Variants in PLD2 observed in about 807,000 individuals in gnomAD.
PLD2 encodes phospholipase D2, also known as choline phosphatase 2.
A neutral mutation model predicts 119.8 loss-of-function variants in PLD2; 101 were observed. The observed-to-expected ratio is 0.84, with a 90% CI of 0.72 to 0.99. PLD2 has a LOEUF of 0.99. Among genes scored for constraint, PLD2 ranks in the 50% least tolerant of loss-of-function variants. PLD2 has a pLI of 0.00. For synonymous variants in PLD2, 494 were observed against 482.8 expected, an observed-to-expected ratio of 1.02 and a Z score of -0.30; for missense variants, 1,164 against 1,226.8, an observed-to-expected ratio of 0.95 and a Z score of 0.76.
chr17:4,821,971 G>A (rs1907722045), intron 24 of PLD2, 64 bp downstream of exon 24: 2 of 1,023,900 alleles, frequency 2.0e-6, no homozygotes, highest in Non-Finnish European at 3.1e-6. Context: ...CCTGCTCAGG[G>A]TAGGATGGAG....
chr17:4,809,977 G>A lies in PLD2; in HGVS notation c.808G>A (p.Gly270Arg), dbSNP rs377745964. 42 of 1,613,964 alleles carry A rather than the reference G, an allele frequency of 2.6e-5. No homozygotes were observed. The highest frequency in any genetic ancestry group is 3.6e-5 in the Non-Finnish European group (42 of 1,180,036). ...TGACCCTGGCTTTGAGGTGCAAGTG[G>A]GGAAAAGGAGCACGGAGGCACGGCA... ...LFDPGFEVQV[G>R]KRSTEARHGV... The change falls in exon 9 of 25, where the codon GGG becomes AGG. Residue 270 changes from glycine to arginine, a missense_variant. Coordinates refer to ENST00000263088, the MANE Select transcript of PLD2 (RefSeq NM_002663.5).
chr17:4,817,725 G>A (rs144052703), intron 17 of PLD2, among the ~76,000 whole-genome samples: 1,476 of 145,300 alleles, frequency 0.01, 15 homozygotes, highest in Middle Eastern at 0.029. Context: ...TTGGGAGGCC[G>A]AGGCAGGCGG....
In PLD2 at chr17:4,817,140, C is replaced by T. The variant is rs141994397; in HGVS notation, c.1702-6C>T. 5.2e-4 allele frequency: 829 copies of T among 1,608,444 alleles called. 5 individuals carry two copies. In the African/African-American group the frequency reaches 8.6e-3, roughly 17 times the overall value. ...TCCTGCTGACTCTGCCATCCCTCCA[C>T]GTCAGACCACCAAGGCCAAGTACAA... On this transcript the variant is annotated splice_region_variant and splice_polypyrimidine_tract_variant and intron_variant, in intron 16 of 24. Coordinates refer to ENST00000263088, the MANE Select transcript of PLD2 (RefSeq NM_002663.5).
rs754622334 is a variant in PLD2 at position 4,814,621 on chromosome 17, C to T, written c.1095-12C>T. Reference sequence around the variant, plus strand: ...GCTTCGTTTGCCCCTAATCCACTGCCCTGAATCCCAGGTTGAGTCCTGAGG... The same window carrying T: ...GCTTCGTTTGCCCCTAATCCACTGCTCTGAATCCCAGGTTGAGTCCTGAGG... On this transcript the variant is annotated splice_polypyrimidine_tract_variant and intron_variant, in intron 11 of 24. Transcript: ENST00000263088. The T allele has an allele frequency of 1.2e-6, 2 of 1,614,006 alleles. No homozygotes were observed. Among genetic ancestry groups the T allele is most frequent in the Admixed American group, 1.7e-5 (1 of 59,990 alleles).
In PLD2 at chr17:4,819,612, G is replaced by A. The variant is rs1369203215; in HGVS notation, c.2462+30G>A. 1 of 1,581,796 alleles carries A rather than the reference G, an allele frequency of 6.3e-7. No homozygotes were observed. The highest frequency in any genetic ancestry group is 1.2e-5 in the South Asian group (1 of 85,668). ...AGCTGGGGCGGGATGCCACAGGGTG[G>A]GAGGGAGATGGGGGCGTCTGCCTTT... is the stretch of plus-strand genomic sequence containing the variant. On this transcript the variant is annotated intron_variant, in intron 23 of 24. Transcript: ENST00000263088. The surrounding 1 kb of genome is among the most constrained non-coding windows in gnomAD (Gnocchi z 4.2).
chr17:4,817,181 C>T lies in PLD2; in HGVS notation c.1737C>T (p.Pro579=), dbSNP rs777657262. ...TKAKYKTPTY[P]YLLPKSTSTA... is the part of the protein sequence containing the mutation. ...CCAAGTACAAGACTCCCACATACCC[C>T]TACCTGCTTCCCAAGTCTACCAGCA... Residue 579 remains proline, a synonymous_variant, in exon 17 of 25, where the codon CCC becomes CCT. Transcript: ENST00000263088. The T allele has an allele frequency of 6.2e-7, 1 of 1,613,994 alleles. No homozygotes were observed. The highest frequency in any genetic ancestry group is 1.7e-5 in the Admixed American group (1 of 60,024).
rs559634052 is a variant in PLD2 at position 4,808,985 on chromosome 17, C to A, written c.384-115C>A. On this transcript the variant is annotated intron_variant, in intron 4 of 24. Coordinates refer to ENST00000263088, the MANE Select transcript of PLD2 (RefSeq NM_002663.5). This position sits in a 1 kb window ranked among gnomAD's most constrained non-coding sequence, Gnocchi z 4.1. ...CTGGGATTCCAGGCGTGAGCCACCA[C>A]GCCTGGCCACCTCCAGGCCTCTTCT... The A allele has an allele frequency of 1.3e-6, 1 of 790,212 alleles. No homozygotes were observed. The highest frequency in any genetic ancestry group is 2.1e-6 in the Non-Finnish European group (1 of 466,296). 49.0% of individuals were successfully genotyped at this position (790,212 alleles called of 1,614,324 possible). A position where few individuals can be genotyped will look rare whatever the true frequency, so the allele number is the denominator to read the frequency against.
Position 4,807,700 on chromosome 17 carries a change from C to A in PLD2, c.-1-72C>A. ...AGGAGGATCTGGAAGAGATGGAGGA[C>A]CTGCGGGAGTTAGGATGGGGGGCGG... On this transcript the variant is annotated intron_variant, in intron 1 of 24. Coordinates refer to ENST00000263088, the MANE Select transcript of PLD2 (RefSeq NM_002663.5). This position sits in a 1 kb window ranked among gnomAD's most constrained non-coding sequence, Gnocchi z 5.4. The A allele has an allele frequency of 1.2e-6, 1 of 821,874 alleles. No individual in the cohort carries two copies. The highest frequency in any genetic ancestry group is 2.0e-6 in the Non-Finnish European group (1 of 493,802). 50.9% of individuals were successfully genotyped at this position (821,874 alleles called of 1,614,324 possible). A position where few individuals can be genotyped will look rare whatever the true frequency, so the allele number is the denominator to read the frequency against.
chr17:4,820,701 C>T (rs183427787), intron 23 of PLD2, among the ~76,000 whole-genome samples: 9 of 149,380 alleles, frequency 6.0e-5, no homozygotes, highest in Admixed American at 1.3e-4. Context: ...CTCAGCCTCC[C>T]GAGTAGCTGG....
At position 4,819,581 on chromosome 17, in the gene PLD2, G is replaced by A. The variant is rs3764897; in HGVS notation, c.2461G>A (p.Gly821Ser). The change falls in exon 23 of 25, where the codon GGT (glycine) becomes AGT (serine). Residue 821 changes from glycine (G) to serine (S), a missense_variant and splice_region_variant. Physicochemically the swap from Gly to Ser is moderately conservative, Grantham distance 56. Transcript: ENST00000263088. The surrounding 1 kb of genome is among the most constrained non-coding windows in gnomAD (Gnocchi z 4.2). ...CTTGAGTCTGCGGAAGCACTGCTTC[G>A]GGTAGAGCTGGGGCGGGATGCCACA... ...FALSLRKHCF[G>S]VILGANTRPD... The A allele has an allele frequency of 0.16, 258,375 of 1,605,654 alleles. 21,543 individuals are homozygous for A. The highest frequency in any genetic ancestry group is 0.28 in the African/African-American group (20,949 of 74,884).
rs199612926 is a variant in PLD2 at position 4,808,429 on chromosome 17, G to A, written c.383+13G>A. On this transcript the variant is annotated intron_variant, in intron 4 of 24. Transcript: ENST00000263088. The surrounding 1 kb of genome is among the most constrained non-coding windows in gnomAD (Gnocchi z 4.1). The stretch of plus-strand genomic sequence containing the variant: ...TCCCTCTGGCTCGGTGAGGGCGACC[G>A]GACTGCTTCCTGTAGAGGGCAGGTG... 25 of 1,612,004 alleles carry A rather than the reference G, an allele frequency of 1.6e-5. No homozygotes were observed. In the African/African-American group the frequency reaches 1.7e-4, roughly 11 times the overall value.
At position 4,810,742 on chromosome 17, in the gene PLD2, T is replaced by C. The variant is rs1906371686; in HGVS notation, c.861-60T>C. 7 of 1,551,894 alleles carry C rather than the reference T, an allele frequency of 4.5e-6. No individual in the cohort carries two copies. In the South Asian group the frequency reaches 8.5e-5, roughly 19 times the overall value. On this transcript the variant is annotated intron_variant, in intron 9 of 24. Transcript: ENST00000263088. ...GAGGAAGTGGGAAAGGGGAGGTCTC[T>C]AGGCAAGATCACAGGTATGGAGGGC... is the stretch of plus-strand genomic sequence containing the variant.
rs779559362 is a variant in PLD2 at position 4,819,151 on chromosome 17, C to T, written c.2241C>T (p.His747=). The T allele has an allele frequency of 1.1e-5, 17 of 1,614,114 alleles. No individual in the cohort carries two copies. The highest frequency in any genetic ancestry group is 1.0e-5 in the Non-Finnish European group (12 of 1,180,014). ...GTACACACGGAGAGCTGGGCGGGCA[C>T]CCCGTCTCGGAGCTCATCTACATCC... The part of the protein sequence containing the change: ...GLRTHGELGG[H]PVSELIYIHS... The change falls in exon 22 of 25, where the codon CAC becomes CAT. Residue 747 remains histidine, a synonymous_variant. Transcript: ENST00000263088. The surrounding 1 kb of genome is among the most constrained non-coding windows in gnomAD (Gnocchi z 4.2).
chr17:4,814,605 G>A, intron 11 of PLD2, 28 bp from the exon 12 acceptor site: 1 of 1,613,890 alleles, frequency 6.2e-7, no homozygotes, highest in Non-Finnish European at 8.5e-7. Flanking sequence ...GGCTTCGTTT[G>A]CCCCTAATCC....
chr17:4,821,589 T>A, intron 23 of PLD2: 2 of 410,664 alleles, frequency 4.9e-6, no homozygotes, highest in Non-Finnish European at 8.9e-6. Context: ...GAGATGGGGT[T>A]TTGCCATATT....
Position 4,819,192 on chromosome 17 carries a change from T to C in PLD2, c.2282T>C (p.Ile761Thr), listed in dbSNP as rs568574118. The change falls in exon 22 of 25, where the codon ATC becomes ACC. Residue 761 changes from isoleucine to threonine, a missense_variant. Ile to Thr is a moderately conservative substitution (Grantham distance 89). Transcript: ENST00000263088. This position sits in a 1 kb window ranked among gnomAD's most constrained non-coding sequence, Gnocchi z 4.2. Reference sequence around the variant, plus strand: ...ATCTACATCCACAGCAAGGTGCTCATCGCAGATGACCGGACAGTCATCATT... The same window carrying C: ...ATCTACATCCACAGCAAGGTGCTCACCGCAGATGACCGGACAGTCATCATT... ...ELIYIHSKVLIADDRTVIIGS... is the reference protein window; with the variant it reads ...ELIYIHSKVLTADDRTVIIGS... 4 of 1,614,110 alleles carry C rather than the reference T, an allele frequency of 2.5e-6. No homozygotes were observed. The Admixed American group carries it at 6.7e-5, about 27-fold the overall frequency.
chr17:4,818,902 G>T (rs1353461321), intron 21 of PLD2, 79 bp downstream of exon 21: 12 of 1,523,402 alleles, frequency 7.9e-6, no homozygotes, highest in Non-Finnish European at 1.1e-5. Flanking sequence ...TGGGGGTGGG[G>T]GAAGGAGGCT....
intron 23 of PLD2, among the ~76,000 whole-genome samples, chr17:4,820,165 A>G (rs1907502221): frequency 6.6e-6 from 1 of 151,212 alleles, no homozygotes; most frequent in Non-Finnish European, 1.5e-5. Context: ...GCTGGTCTCG[A>G]ACTCCCGACC....
In PLD2 at chr17:4,809,737, C is replaced by T. The variant is rs1477641486; in HGVS notation, c.661C>T (p.Leu221Phe). The change falls in exon 8 of 25, where the codon CTC becomes TTC. Residue 221 changes from leucine to phenylalanine, a missense_variant. Leu to Phe is a conservative substitution (Grantham distance 22). Coordinates refer to ENST00000263088, the MANE Select transcript of PLD2 (RefSeq NM_002663.5). ...KRSGGHRVPG[L>F]TCCGRDQVCY... Reference sequence around the variant, plus strand: ...CTCAGGTGGCCACCGTGTTCCTGGCCTCACCTGCTGTGGCCGAGACCAAGT... The same window carrying T: ...CTCAGGTGGCCACCGTGTTCCTGGCTTCACCTGCTGTGGCCGAGACCAAGT... The T allele has an allele frequency of 2.5e-6, 4 of 1,614,080 alleles. No homozygotes were observed.
Sources: gnomAD v4.1 joint callset for allele counts (sites outside exome capture counted in the v4.1 genomes callset) on GRCh38, gnomAD v4.1.1 for gene constraint, Gnocchi (gnomAD v3.1) non-coding constraint, MANE v1.5 for transcripts, NCBI Gene and HGNC (gene_info 2026-07-23, HGNC 2026-07-21) for gene names.